CNTN5: variants seen among roughly 807,000 people sequenced by gnomAD.
CNTN5 encodes the protein contactin-5.
A neutral mutation model predicts 129.1 loss-of-function variants in CNTN5; 77 were observed. The observed-to-expected ratio is 0.60, with a 90% CI of 0.50 to 0.72. The LOEUF is 0.72. Among genes scored for constraint, CNTN5 ranks in the 30% least tolerant of loss-of-function variants. CNTN5 has a pLI of 0.00. For missense variants in CNTN5, 1,478 were observed against 1,328.8 expected (o/e 1.11, Z -1.75); for synonymous variants, 509 against 465.6 (o/e 1.09, Z -1.20).
Position 100,340,460 on chromosome 11 carries a change from T to C in CNTN5, c.2731-3T>C, listed in dbSNP as rs1952133285. 5 of 1,600,976 alleles carry C rather than the reference T, an allele frequency of 3.1e-6. No individual in the cohort carries two copies. The highest frequency in any genetic ancestry group is 4.3e-6 in the Non-Finnish European group (5 of 1,172,922). ...AACCTGCCATGTGATAATTTGTTGA[T>C]AGGTTGGTTACTGGAAAGACATGGA... is the stretch of plus-strand genomic sequence containing the variant. On this transcript the variant is annotated splice_region_variant and splice_polypyrimidine_tract_variant and intron_variant, in intron 21 of 24. Transcript: ENST00000524871.
At chr11:99,836,545 A>T (rs528271945) in intron 4 of CNTN5, among the ~76,000 whole-genome samples, 77 of 152,150 alleles carry the variant, frequency 5.1e-4, no homozygotes, top group Non-Finnish European at 1.1e-3. Flanking sequence ...TCTATCATTG[A>T]TGGACATTTG....
rs1246941557 is a variant in CNTN5 at position 99,660,684 on chromosome 11, T to TA, written c.55+104416dup. 2.6e-5 allele frequency among the ~76,000 whole-genome samples: 4 copies of TA among 152,226 alleles called. No individual in the cohort carries two copies. In the East Asian group the frequency reaches 7.7e-4, roughly 29 times the overall value. ...AAAATAATGGGATAAAGATGGTTCT[T>TA]ACGCTAGAGGAGCTGTGTAAATAAT... On this transcript the variant is annotated intron_variant, in intron 3 of 24. Coordinates refer to ENST00000524871, the MANE Select transcript of CNTN5 (RefSeq NM_014361.4).
chr11:99,858,693 G>A, intron 6 of CNTN5, among the ~76,000 whole-genome samples: 1 of 122,674 alleles, frequency 8.2e-6, no homozygotes, highest in Non-Finnish European at 1.9e-5. Context: ...TATTTCTTAA[G>A]ATGTTATAAA....
intron 13 of CNTN5, among the ~76,000 whole-genome samples, chr11:100,167,185 AAAAC>A (rs201994676): frequency 0.019 from 2,918 of 151,902 alleles, 35 homozygotes; most frequent in Middle Eastern, 0.048. Context: ...ATATTCATCA[AAAAC>A]AAACAAAAAA....
At chr11:99,765,755 T>A (rs186419188) in intron 3 of CNTN5, among the ~76,000 whole-genome samples, 3 of 151,618 alleles carry the variant, frequency 2.0e-5, no homozygotes, top group African/African-American at 7.3e-5. Flanking sequence ...TGGTGAGATA[T>A]GAGTCCTAGA....
intron 1 of CNTN5, among the ~76,000 whole-genome samples, chr11:99,251,085 A>G (rs557436196): frequency 6.1e-4 from 93 of 152,096 alleles, no homozygotes; most frequent in African/African-American, 2.1e-3. Flanking sequence ...TGAATCAGAT[A>G]CATCTCTCTA....
intron 9 of CNTN5, among the ~76,000 whole-genome samples, chr11:100,059,100 A>G (rs1423778722): frequency 6.6e-6 from 1 of 152,206 alleles, no homozygotes; most frequent in Non-Finnish European, 1.5e-5. Flanking sequence ...GAGAAGCCTG[A>G]AGCAGATTCA....
At chr11:99,342,602 A>AAAAAAAAAAAAAAAAT (rs1565505832) in intron 2 of CNTN5, among the ~76,000 whole-genome samples, 1 of 114,692 alleles carries the variant, frequency 8.7e-6, no homozygotes, top group Non-Finnish European at 1.9e-5. Flanking sequence ...AAAAAAAAAA[A>AAAAAAAAAAAAAAAAT]GCAGGGCGTG....
At chr11:100,032,644 C>T (rs758115987) in intron 9 of CNTN5, among the ~76,000 whole-genome samples, 1 of 152,032 alleles carries the variant, frequency 6.6e-6, no homozygotes, top group Admixed American at 6.6e-5. Flanking sequence ...GTTATGCAAT[C>T]GTTGATGATA....
chr11:99,679,171 T>C (rs990282417), intron 3 of CNTN5, among the ~76,000 whole-genome samples: 8 of 143,044 alleles, frequency 5.6e-5, no homozygotes, highest in Admixed American at 3.6e-4. Context: ...ATATAGGGAA[T>C]ATATATAAAT....
chr11:100,238,802 T>A (rs1210702196), intron 16 of CNTN5, among the ~76,000 whole-genome samples: 3 of 152,216 alleles, frequency 2.0e-5, no homozygotes, highest in Non-Finnish European at 2.9e-5. Context: ...TCTATATTTC[T>A]CCAATAGGTG....
intron 1 of CNTN5, among the ~76,000 whole-genome samples, chr11:99,216,590 TTAAC>T (rs944646394): frequency 1.3e-5 from 2 of 152,150 alleles, no homozygotes; most frequent in Non-Finnish European, 2.9e-5. Flanking sequence ...GATAATATCT[TTAAC>T]TAGCTCCTAT....
chr11:99,916,830 T>C (rs1319394865), intron 7 of CNTN5, among the ~76,000 whole-genome samples: 1 of 152,056 alleles, frequency 6.6e-6, no homozygotes, highest in Non-Finnish European at 1.5e-5. Flanking sequence ...TACTATAAGT[T>C]AAGAGTGACC....
At chr11:100,140,475 G>A (rs540024054) in intron 13 of CNTN5, among the ~76,000 whole-genome samples, 1 of 152,170 alleles carries the variant, frequency 6.6e-6, no homozygotes, top group Admixed American at 6.5e-5. Flanking sequence ...TGAATTGTTG[G>A]TCTTGATGAG....
chr11:99,873,976 T>C (rs763833132), intron 6 of CNTN5, among the ~76,000 whole-genome samples: 4 of 152,006 alleles, frequency 2.6e-5, no homozygotes, highest in Non-Finnish European at 5.9e-5. Context: ...AAATCAAATA[T>C]TGCACATTCT....
chr11:100,165,904 A>T (rs1044862900), intron 13 of CNTN5, among the ~76,000 whole-genome samples: 2 of 151,816 alleles, frequency 1.3e-5, no homozygotes, highest in East Asian at 3.9e-4. Flanking sequence ...TGCCTGCATC[A>T]TAAGCTAGGA....
At chr11:100,047,518 C>T (rs1478040693) in intron 9 of CNTN5, among the ~76,000 whole-genome samples, 2 of 152,034 alleles carry the variant, frequency 1.3e-5, no homozygotes, top group African/African-American at 4.8e-5. Context: ...GAAACTACAA[C>T]AAAAAGAATA....
intron 9 of CNTN5, among the ~76,000 whole-genome samples, chr11:100,035,017 A>G (rs1941907347): frequency 6.6e-6 from 1 of 152,034 alleles, no homozygotes; most frequent in African/African-American, 2.4e-5. Flanking sequence ...CATGTGCGCA[A>G]CGTGCAGGTT....
At chr11:100,127,680 T>C (rs1215815523) in intron 13 of CNTN5, among the ~76,000 whole-genome samples, 4 of 120,230 alleles carry the variant, frequency 3.3e-5, no homozygotes, top group Non-Finnish European at 6.7e-5. Context: ...TTTTTTGAGA[T>C]GGAGTCTCTC....
Sources: gnomAD v4.1 joint callset for allele counts (sites outside exome capture counted in the v4.1 genomes callset) on GRCh38, gnomAD v4.1.1 for gene constraint, MANE v1.5 for transcripts, NCBI Gene and HGNC (gene_info 2026-07-23, HGNC 2026-07-21) for gene names.